CHD5: variants seen among roughly 807,000 people sequenced by gnomAD.
The protein encoded by CHD5 is chromodomain helicase DNA binding protein 5.
A neutral mutation model predicts 230.3 loss-of-function variants in CHD5; 69 were observed. That is an observed-to-expected ratio of 0.30 (90% CI 0.25 to 0.37). CHD5 has a LOEUF of 0.37. Among genes scored for constraint, CHD5 ranks in the 10% least tolerant of loss-of-function variants. The pLI is 1.00. For synonymous variants in CHD5, 1,064 were observed against 1,065.9 expected (o/e 1.00, Z 0.03); for missense variants, 1,827 against 2,622.8 (o/e 0.70, Z 6.63).
chr1:6,144,056 G>A lies in CHD5; in HGVS notation c.1902C>T (p.Tyr634=), dbSNP rs772371613. 1.2e-5 allele frequency: 19 copies of A among 1,614,048 alleles called. No individual in the cohort carries two copies. Among genetic ancestry groups the A allele is most frequent in the Admixed American group, 8.3e-5 (5 of 60,006 alleles). Residue 634 remains tyrosine, a synonymous_variant, in exon 12 of 42, where the codon TAC becomes TAT. Transcript: ENST00000262450. ...WEIDDIDIPY[Y]DNLKQAYWGH... ...CCCAGTAGGCCTGCTTGAGGTTGTCGTAGTAGGGGATGTCGATGTCATCGA... is the reference window on the plus strand; with the variant it reads ...CCCAGTAGGCCTGCTTGAGGTTGTCATAGTAGGGGATGTCGATGTCATCGA...
chr1:6,143,329 G>A lies in CHD5; in HGVS notation c.2043+494C>T, dbSNP rs560768766. 9.9e-5 allele frequency among the ~76,000 whole-genome samples: 15 copies of A among 152,190 alleles called. No individual in the cohort carries two copies. In the South Asian group the frequency reaches 2.9e-3, roughly 30 times the overall value. ...ATTACAGGCATGAGCCACCATGCCC[G>A]GCCCATTTGTCTCTTGATCCTGCTC... On this transcript the variant is annotated intron_variant, in intron 13 of 41. Transcript: ENST00000262450.
chr1:6,112,353 G>C, intron 34 of CHD5, 76 bp from the exon 35 acceptor site: 2 of 1,558,408 alleles, frequency 1.3e-6, no homozygotes, highest in Non-Finnish European at 1.7e-6. Flanking sequence ...TGCCAAGCAC[G>C]GGGGACCCAG....
In CHD5 at chr1:6,126,641, G is replaced by C; in HGVS notation, c.4009C>G (p.Arg1337Gly). Residue 1337 changes from arginine (R) to glycine (G), a missense_variant, in exon 26 of 42, where the codon CGC becomes GGC. By Grantham distance (125) the Arg-to-Gly change is moderately radical. Transcript: ENST00000262450. This position sits in a 1 kb window ranked among gnomAD's most constrained non-coding sequence, Gnocchi z 5.7. ...ATGCGCTTGCCCTTGCCCAGGTTGC[G>C]GGCCAGGTCCTCCTGCTGCTGCTCA... ...HYEQQQEDLA[R>G]NLGKGKRIRK... 6.2e-7 allele frequency: 1 copy of C among 1,613,950 alleles called. No individual in the cohort carries two copies. Among genetic ancestry groups the C allele is most frequent in the South Asian group, 1.1e-5 (1 of 91,080 alleles).
rs769912363 is a variant in CHD5 at position 6,106,344 on chromosome 1, G to C, written c.5857+51C>G. 4.3e-6 allele frequency: 7 copies of C among 1,611,498 alleles called. No homozygotes were observed. The South Asian group carries it at 7.7e-5, about 18-fold the overall frequency. On this transcript the variant is annotated intron_variant, in intron 40 of 41. Transcript: ENST00000262450. ...TGACGTTGGCAGCAGCAGGCAGGCC[G>C]GGCCCGGCGGGCACCCGTGTGCATG...
chr1:6,109,805 G>A lies in CHD5; in HGVS notation c.5568C>T (p.Val1856=), dbSNP rs774935408. ...SLAGNKPANA[V]LHKVLNQLEE... is the part of the protein sequence containing the mutation. The stretch of plus-strand genomic sequence containing the variant: ...GCAGGACTTGCTCACCCTTGTGCAG[G>A]ACGGCATTGGCAGGCTTGTTCCCAG... The change falls in exon 38 of 42, where the codon GTC becomes GTT. Residue 1856 remains valine, a synonymous_variant. Coordinates refer to ENST00000262450, the MANE Select transcript of CHD5 (RefSeq NM_015557.3). 6.2e-6 allele frequency: 10 copies of A among 1,612,354 alleles called. No homozygotes were observed. Among genetic ancestry groups the A allele is most frequent in the Non-Finnish European group, 8.5e-6 (10 of 1,179,550 alleles).
chr1:6,151,782 C>G (rs1025716183), intron 6 of CHD5, among the ~76,000 whole-genome samples: 2 of 121,362 alleles, frequency 1.6e-5, no homozygotes, highest in African/African-American at 8.3e-5. Context: ...GAAAGAGCTT[C>G]CAACTCCACC....
intron 35 of CHD5, 77 bp from the exon 36 acceptor site, chr1:6,111,960 C>T: frequency 6.9e-7 from 1 of 1,447,034 alleles, no homozygotes; most frequent in South Asian, 1.2e-5. Flanking sequence ...GAGCCGCTCC[C>T]TCCCTACTTG....
In CHD5 at chr1:6,155,489, A is replaced by C; in HGVS notation, c.506+110T>G. The stretch of plus-strand genomic sequence containing the variant: ...CCCCAGGTTGCTCAGTCGGTCTGAC[A>C]GAGCCCACCCCTACCCCAGGTGCCG... On this transcript the variant is annotated intron_variant, in intron 4 of 41. Transcript: ENST00000262450. The surrounding 1 kb of genome is among the most constrained non-coding windows in gnomAD (Gnocchi z 4.0). 18 of 919,274 alleles carry C rather than the reference A, an allele frequency of 2.0e-5. No homozygotes were observed. The highest frequency in any genetic ancestry group is 2.9e-5 in the Non-Finnish European group (17 of 577,832). The allele number at this position is 919,274 out of a possible 1,614,324, so 56.9% of individuals were successfully genotyped here.
chr1:6,110,678 C>T (rs1571138051), intron 36 of CHD5, 152 bp from the exon 37 acceptor site: 3 of 766,696 alleles, frequency 3.9e-6, no homozygotes, highest in South Asian at 3.5e-5. Flanking sequence ...GCACGAGGAA[C>T]ATATTGATGA....
At chr1:6,169,287 G>C (rs1358819508) in intron 1 of CHD5, among the ~76,000 whole-genome samples, 1 of 152,216 alleles carries the variant, frequency 6.6e-6, no homozygotes, top group Non-Finnish European at 1.5e-5. Context: ...ATTCCAGCTG[G>C]GCACTAGAAA....
chr1:6,140,267 G>A (rs902707553), intron 15 of CHD5, among the ~76,000 whole-genome samples: 2 of 152,154 alleles, frequency 1.3e-5, no homozygotes, highest in Non-Finnish European at 2.9e-5. Flanking sequence ...GAGTGTGGTA[G>A]CACGCGCCTG....
In CHD5 at chr1:6,109,995, G is replaced by A. The variant is rs756623924; in HGVS notation, c.5383-5C>T. The A allele has an allele frequency of 5.9e-6, 9 of 1,527,658 alleles. No homozygotes were observed. In the African/African-American group the frequency reaches 9.7e-5, roughly 17 times the overall value. 94.6% of individuals were successfully genotyped at this position (1,527,658 alleles called of 1,614,324 possible). A position where few individuals can be genotyped will look rare whatever the true frequency, so the allele number is the denominator to read the frequency against. ...GACCAACGCCTGCTCCAGCAGCTGG[G>A]GGCGGGGCGCAGCGTCGGCCCGGCC... On this transcript the variant is annotated splice_region_variant and splice_polypyrimidine_tract_variant and intron_variant, in intron 37 of 41. Transcript: ENST00000262450.
chr1:6,110,371 C>T (rs1191067917), intron 37 of CHD5, 23 bp downstream of exon 37: 2 of 1,613,702 alleles, frequency 1.2e-6, no homozygotes, highest in Non-Finnish European at 1.7e-6. Context: ...CCCCGTGCAG[C>T]CCTGGCCCTT....
intron 1 of CHD5, among the ~76,000 whole-genome samples, chr1:6,174,387 G>A (rs1667386072): frequency 6.6e-6 from 1 of 152,244 alleles, no homozygotes; most frequent in Non-Finnish European, 1.5e-5. Context: ...TAATTGTATA[G>A]TGAATGGATG....
chr1:6,148,817 G>A, intron 9 of CHD5, 37 bp downstream of exon 9: 1 of 1,466,056 alleles, frequency 6.8e-7, no homozygotes, highest in South Asian at 1.4e-5. Flanking sequence ...CCTGGGGTGG[G>A]GCGGGGCGTC....
intron 7 of CHD5, 21 bp from the exon 8 acceptor site, chr1:6,149,433 T>C (rs943339416): frequency 6.3e-7 from 1 of 1,586,634 alleles, no homozygotes; most frequent in South Asian, 1.1e-5. Flanking sequence ...GGAGAGGCAG[T>C]CATGGAAGTC....
In CHD5 at chr1:6,142,570, G is replaced by A. The variant is rs1666844521; in HGVS notation, c.2079C>T (p.Ile693=). Residue 693 remains isoleucine, a synonymous_variant, in exon 14 of 42, where the codon ATC becomes ATT. Coordinates refer to ENST00000262450, the MANE Select transcript of CHD5 (RefSeq NM_015557.3). This position sits in a 1 kb window ranked among gnomAD's most constrained non-coding sequence, Gnocchi z 5.2. ...TVKFDKQPWY[I]DSTGGTLHPY... ...GGTGCAGTGTGCCGCCTGTGGAGTC[G>A]ATGTACCATGGCTGCTTGTCGAACT... The A allele has an allele frequency of 3.7e-6, 6 of 1,613,612 alleles. No individual in the cohort carries two copies. The highest frequency in any genetic ancestry group is 1.7e-5 in the Admixed American group (1 of 59,986).
At chr1:6,140,076 T>C (rs1188102637) in intron 15 of CHD5, among the ~76,000 whole-genome samples, 1 of 152,156 alleles carries the variant, frequency 6.6e-6, no homozygotes, top group Non-Finnish European at 1.5e-5. Context: ...TGGCTACAAG[T>C]CCTCATTCCT....
chr1:6,174,820 T>C (rs566565466), intron 1 of CHD5, among the ~76,000 whole-genome samples: 2 of 143,922 alleles, frequency 1.4e-5, no homozygotes, highest in East Asian at 4.4e-4. Flanking sequence ...AGATGGAGGA[T>C]GGACGGATGG....
Sources: gnomAD v4.1 joint callset for allele counts (sites outside exome capture counted in the v4.1 genomes callset) on GRCh38, gnomAD v4.1.1 for gene constraint, Gnocchi (gnomAD v3.1) non-coding constraint, MANE v1.5 for transcripts, NCBI Gene and HGNC (gene_info 2026-07-23, HGNC 2026-07-21) for gene names.